Variants in PRCD observed in about 807,000 individuals in gnomAD.
PRCD encodes photoreceptor disk component PRCD.
In PRCD, 12 loss-of-function variants were observed where a neutral mutation model predicts 10.1. The observed-to-expected ratio is 1.18, with a 90% CI of 0.76 to 1.92. The LOEUF is 1.92. PRCD is among the 40% of genes most tolerant of loss of function. The pLI is 0.00. For missense variants in PRCD, 61 were observed against 72.2 expected (o/e 0.84, Z 0.56); for synonymous variants, 31 against 26.2 (o/e 1.18, Z -0.56).
chr17:76,540,517 C>G lies in PRCD; in HGVS notation c.87C>G (p.Asp29Glu), dbSNP rs759376499. 1 of 1,613,324 alleles carries G rather than the reference C, an allele frequency of 6.2e-7. No individual in the cohort carries two copies. The highest frequency in any genetic ancestry group is 8.5e-7 in the Non-Finnish European group (1 of 1,179,818). ...TTGCCTCCCACAGAGAGCCCAGCGACGTGGATGGGGCAGCTAGGGGCAGCA... is the reference window on the plus strand; with the variant it reads ...TTGCCTCCCACAGAGAGCCCAGCGAGGTGGATGGGGCAGCTAGGGGCAGCA... Reference protein sequence around the residue: ...FANRVQPEPSDVDGAARGSSL... With the variant: ...FANRVQPEPSEVDGAARGSSL... Residue 29 changes from aspartate to glutamate, a missense_variant, in exon 2 of 5, where the codon GAC becomes GAG. Transcript: ENST00000592014. This position sits in a 1 kb window ranked among gnomAD's most constrained non-coding sequence, Gnocchi z 5.0.
downstream of PRCD, among the ~76,000 whole-genome samples, chr17:76,547,882 TACAC>T (rs1282157936): frequency 6.9e-6 from 1 of 145,652 alleles, no homozygotes; most frequent in African/African-American, 2.6e-5. Context: ...TTCACACACA[TACAC>T]ATACACACAG....
In PRCD at chr17:76,544,487, C is replaced by G. The variant is rs560943649; in HGVS notation, c.*837C>G. On this transcript the variant is annotated 3_prime_UTR_variant, in exon 5 of 5. Coordinates refer to ENST00000592014, the MANE Select transcript of PRCD (RefSeq NM_001077620.3). ...TCGGGGAGCCTGGCTGGGGTGTGTGCGAAGGCAGTTCTGTGGGAGCCTCTC... is the reference window on the plus strand; with the variant it reads ...TCGGGGAGCCTGGCTGGGGTGTGTGGGAAGGCAGTTCTGTGGGAGCCTCTC... 1 of 455,778 alleles carries G rather than the reference C, an allele frequency of 2.2e-6. No individual in the cohort carries two copies. Among genetic ancestry groups the G allele is most frequent in the African/African-American group, 2.0e-5 (1 of 50,040 alleles). The allele number at this position is 455,778 out of a possible 1,614,324, so 28.2% of individuals were successfully genotyped here.
At position 76,540,296 on chromosome 17, in the gene PRCD, G is replaced by A; in HGVS notation, c.74+81G>A. The A allele has an allele frequency of 2.1e-6, 3 of 1,458,612 alleles. No homozygotes were observed. In the East Asian group the frequency reaches 7.4e-5, roughly 36 times the overall value. 90.4% of individuals were successfully genotyped at this position (1,458,612 alleles called of 1,614,324 possible). ...CTGGGCTGCCACCAAGCTGAAGGTGGGCAGGGGCTGCGTGAACCTTCAGCG... is the reference window on the plus strand; with the variant it reads ...CTGGGCTGCCACCAAGCTGAAGGTGAGCAGGGGCTGCGTGAACCTTCAGCG... On this transcript the variant is annotated intron_variant, in intron 1 of 4. Transcript: ENST00000592014. The surrounding 1 kb of genome is among the most constrained non-coding windows in gnomAD (Gnocchi z 5.0).
chr17:76,529,556 TA>T (rs112338038), intron 1 of PRCD: 1 of 985,318 alleles, frequency 1.0e-6, no homozygotes, highest in Non-Finnish European at 1.2e-6. Context: ...TTGGCCCTTG[TA>T]AAAAAGCCCT....
chr17:76,537,616 C>CGGGGCGT (rs1358070950), upstream of PRCD: 1 of 994,632 alleles, frequency 1.0e-6, no homozygotes, highest in African/African-American at 1.8e-5. Flanking sequence ...GCGCGGGGCG[C>CGGGGCGT]CGGGAGCCGG....
intron 2 of PRCD, among the ~76,000 whole-genome samples, chr17:76,541,148 G>C (rs1432258242): frequency 6.6e-6 from 1 of 152,294 alleles, no homozygotes; most frequent in East Asian, 1.9e-4. Context: ...TGAAGTTGGG[G>C]GAACTTCCAG....
At chr17:76,534,333 C>T (rs1183837301) in intron 1 of PRCD, among the ~76,000 whole-genome samples, 1 of 152,096 alleles carries the variant, frequency 6.6e-6, no homozygotes, top group Non-Finnish European at 1.5e-5. Flanking sequence ...TGCCCGCCAC[C>T]ACACCCGGCT....
chr17:76,540,133 A>C lies in PRCD; in HGVS notation c.-9A>C. The C allele has an allele frequency of 6.3e-7, 1 of 1,598,604 alleles. No individual in the cohort carries two copies. The highest frequency in any genetic ancestry group is 8.5e-7 in the Non-Finnish European group (1 of 1,173,196). ...GACTTGGCCTGGGAGGGGATGGGGC[A>C]GCTGCGCCATGTGCACCACCCTTTT... On this transcript the variant is annotated 5_prime_UTR_variant, in exon 1 of 5. Coordinates refer to ENST00000592014, the MANE Select transcript of PRCD (RefSeq NM_001077620.3). This position sits in a 1 kb window ranked among gnomAD's most constrained non-coding sequence, Gnocchi z 5.0.
downstream of PRCD, among the ~76,000 whole-genome samples, chr17:76,549,626 G>A (rs1168852240): frequency 6.6e-6 from 1 of 152,206 alleles, no homozygotes; most frequent in Non-Finnish European, 1.5e-5. Context: ...CTGCAAAGAT[G>A]TTCATGGCAG....
downstream of PRCD, among the ~76,000 whole-genome samples, chr17:76,548,307 A>G (rs1598219304): frequency 6.6e-6 from 1 of 152,258 alleles, no homozygotes; most frequent in East Asian, 1.9e-4. Context: ...CACATACACA[A>G]ATACACACAG....
chr17:76,538,423 T>C, upstream of PRCD: 1 of 445,976 alleles, frequency 2.2e-6, no homozygotes, highest in Non-Finnish European at 4.7e-6. Context: ...CCCCTCTCCT[T>C]CCGCCCAGCA....
At chr17:76,529,387 G>A in intron 1 of PRCD, 1 of 985,446 alleles carries the variant, frequency 1.0e-6, no homozygotes, top group Non-Finnish European at 1.2e-6. Flanking sequence ...GTGGGCGGAG[G>A]AGGAGACTTC....
At chr17:76,543,216 G>GT (rs1224530829) in intron 4 of PRCD, 95 bp downstream of exon 4, 3 of 404,992 alleles carry the variant, frequency 7.4e-6, no homozygotes, top group Non-Finnish European at 1.5e-5. Context: ...GGGCCTGGCA[G>GT]AAAGAGCAGA....
In PRCD at chr17:76,531,256, G is replaced by A. The variant is rs1255188446; in HGVS notation, n.45+3423G>A. 1.6e-6 allele frequency: 2 copies of A among 1,284,738 alleles called. No homozygotes were observed. 79.6% of individuals were successfully genotyped at this position (1,284,738 alleles called of 1,614,324 possible). A position where few individuals can be genotyped will look rare whatever the true frequency, so the allele number is the denominator to read the frequency against. ...AGGATCATTCCTAACGCAACAGTCTGGCAGCTTTGGGAACCCCGTGCTCTC... is the reference window on the plus strand; with the variant it reads ...AGGATCATTCCTAACGCAACAGTCTAGCAGCTTTGGGAACCCCGTGCTCTC... On this transcript the variant is annotated intron_variant and non_coding_transcript_variant, in intron 1 of 4. Coordinates refer to the PRCD transcript ENST00000397633. The surrounding 1 kb of genome is among the most constrained non-coding windows in gnomAD (Gnocchi z 7.4).
upstream of PRCD, among the ~76,000 whole-genome samples, chr17:76,535,119 G>C (rs1259097649): frequency 6.6e-6 from 1 of 152,230 alleles, no homozygotes; most frequent in Admixed American, 6.5e-5. Flanking sequence ...GCAGGGAATG[G>C]AAGTGTGGGG....
upstream of PRCD, among the ~76,000 whole-genome samples, chr17:76,536,639 G>A (rs188418647): frequency 1.6e-4 from 25 of 152,134 alleles, no homozygotes; most frequent in Non-Finnish European, 2.5e-4. Flanking sequence ...TGTGTTTGTG[G>A]GTCTCTTGGG....
upstream of PRCD, chr17:76,539,998 A>G (rs142920556): frequency 4.0e-5 from 33 of 822,110 alleles, no homozygotes; most frequent in African/African-American, 5.3e-4. Context: ...CTGACCCACT[A>G]ATCAGCTTGA....
In PRCD at chr17:76,540,456, G is replaced by C; in HGVS notation, c.75-49G>C. 3 of 1,595,698 alleles carry C rather than the reference G, an allele frequency of 1.9e-6. No homozygotes were observed. Among genetic ancestry groups the C allele is most frequent in the Non-Finnish European group, 2.6e-6 (3 of 1,163,828 alleles). On this transcript the variant is annotated intron_variant, in intron 1 of 4. Transcript: ENST00000592014. The surrounding 1 kb of genome is among the most constrained non-coding windows in gnomAD (Gnocchi z 5.0). ...GCCTGGACCTGTGGAGGGACAGTGA[G>C]GGGCTGGGCACAGCCATAGCTCTTC...
chr17:76,553,009 C>A (rs947262113), intron 1 of PRCD: 3 of 149,800 alleles, frequency 2.0e-5, no homozygotes, highest in African/African-American at 7.4e-5. Context: ...TGAATCAAAA[C>A]GAGGTCTGAA....
Sources: gnomAD v4.1 joint callset for allele counts (sites outside exome capture counted in the v4.1 genomes callset) on GRCh38, gnomAD v4.1.1 for gene constraint, Gnocchi (gnomAD v3.1) non-coding constraint, MANE v1.5 for transcripts, NCBI Gene and HGNC (gene_info 2026-07-23, HGNC 2026-07-21) for gene names.